The following PRKG1 variants were observed in gnomAD, a reference collection of about 807,000 sequenced individuals.
PRKG1 encodes the protein protein kinase cGMP-dependent 1.
A neutral mutation model predicts 88.1 loss-of-function variants in PRKG1; 35 were observed. That is an observed-to-expected ratio of 0.40 (90% CI 0.30 to 0.53). PRKG1 has a LOEUF of 0.53. Ranked by LOEUF, PRKG1 falls within the 20% of genes least tolerant of loss-of-function variation. PRKG1 has a pLI of 0.59. For missense variants in PRKG1, 540 were observed against 839.8 expected (o/e 0.64, Z 4.41); for synonymous variants, 303 against 292.5 (o/e 1.04, Z -0.37).
At chr10:51,974,624 C>G (rs1392070272) in intron 5 of PRKG1, among the ~76,000 whole-genome samples, 1 of 152,066 alleles carries the variant, frequency 6.6e-6, no homozygotes. Context: ...TTTTGTTTAC[C>G]TAAAGACCCC....
intron 2 of PRKG1, among the ~76,000 whole-genome samples, chr10:51,457,449 A>T (rs543402910): frequency 6.6e-6 from 1 of 152,186 alleles, no homozygotes; most frequent in Non-Finnish European, 1.5e-5. Context: ...GCGGGAAGGA[A>T]TAAGAGACTA....
intron 5 of PRKG1, among the ~76,000 whole-genome samples, chr10:52,018,545 C>G (rs937932967): frequency 2.6e-5 from 4 of 152,124 alleles, no homozygotes; most frequent in African/African-American, 9.7e-5. Context: ...GTAACCAAAA[C>G]AGTCAAACAA....
At chr10:51,291,866 T>C (rs1480171893) in intron 2 of PRKG1, among the ~76,000 whole-genome samples, 1 of 152,206 alleles carries the variant, frequency 6.6e-6, no homozygotes, top group African/African-American at 2.4e-5. Flanking sequence ...TACCCCTGAC[T>C]ATAAAGTTGA....
chr10:51,798,922 C>G (rs1420135533), intron 3 of PRKG1, among the ~76,000 whole-genome samples: 1 of 151,988 alleles, frequency 6.6e-6, no homozygotes, highest in African/African-American at 2.4e-5. Flanking sequence ...TATTTTCACT[C>G]ATATGTCTAG....
chr10:51,844,170 T>G (rs12779926), intron 4 of PRKG1, among the ~76,000 whole-genome samples: 1 of 152,068 alleles, frequency 6.6e-6, no homozygotes, highest in African/African-American at 2.4e-5. Flanking sequence ...TTTCAAGATT[T>G]TCTGTCAATG....
At chr10:52,003,530 G>T (rs1226425666) in intron 5 of PRKG1, among the ~76,000 whole-genome samples, 1 of 152,042 alleles carries the variant, frequency 6.6e-6, no homozygotes, top group Admixed American at 6.6e-5. Flanking sequence ...TCCTTTTCTT[G>T]CCCCTCCCAA....
At chr10:51,438,215 A>T (rs1838995605) in intron 2 of PRKG1, among the ~76,000 whole-genome samples, 1 of 151,926 alleles carries the variant, frequency 6.6e-6, no homozygotes, top group African/African-American at 2.4e-5. Context: ...AAAAATGTGA[A>T]GAATTACGGA....
At chr10:51,728,200 T>C (rs920622279) in intron 3 of PRKG1, among the ~76,000 whole-genome samples, 2 of 152,118 alleles carry the variant, frequency 1.3e-5, no homozygotes, top group Admixed American at 1.3e-4. Flanking sequence ...TTTGAGATTT[T>C]TTTTTACCCC....
intron 3 of PRKG1, among the ~76,000 whole-genome samples, chr10:51,678,647 AT>A (rs1262979710): frequency 1.3e-5 from 2 of 152,240 alleles, no homozygotes; most frequent in Admixed American, 1.3e-4. Context: ...AAAAGGTGGC[AT>A]AACTTAAGAA....
At chr10:52,012,594 C>T (rs1310717580) in intron 5 of PRKG1, among the ~76,000 whole-genome samples, 3 of 152,010 alleles carry the variant, frequency 2.0e-5, no homozygotes, top group African/African-American at 7.2e-5. Flanking sequence ...ACCATGTTGG[C>T]CAGGCTGGTC....
chr10:51,684,177 A>T (rs1475379270), intron 3 of PRKG1, among the ~76,000 whole-genome samples: 4 of 152,242 alleles, frequency 2.6e-5, no homozygotes, highest in Non-Finnish European at 5.9e-5. Flanking sequence ...AAGAATACTA[A>T]TTGACAATAA....
chr10:52,032,392 T>C (rs535347369), intron 5 of PRKG1, among the ~76,000 whole-genome samples: 2 of 152,300 alleles, frequency 1.3e-5, no homozygotes, highest in South Asian at 4.1e-4. Context: ...AAGTTTCTGT[T>C]TTGTTCTGGT....
At chr10:52,283,297 G>A (rs1842040108) in intron 14 of PRKG1, among the ~76,000 whole-genome samples, 1 of 152,210 alleles carries the variant, frequency 6.6e-6, no homozygotes, top group East Asian at 1.9e-4. Flanking sequence ...AGAGCCTAGA[G>A]TAGGGCAAGG....
At chr10:51,414,376 T>G (rs979548750) in intron 2 of PRKG1, among the ~76,000 whole-genome samples, 6 of 152,192 alleles carry the variant, frequency 3.9e-5, no homozygotes, top group Admixed American at 1.3e-4. Context: ...GACCAGGTGG[T>G]CTTCGTTTTT....
At chr10:51,253,474 A>C (rs968853706) in intron 2 of PRKG1, among the ~76,000 whole-genome samples, 1 of 151,892 alleles carries the variant, frequency 6.6e-6, no homozygotes, top group Non-Finnish European at 1.5e-5. Flanking sequence ...CCCTTCTACC[A>C]CAAGGTATCC....
chr10:51,945,011 G>T, intron 5 of PRKG1, among the ~76,000 whole-genome samples: 1 of 151,094 alleles, frequency 6.6e-6, no homozygotes, highest in Non-Finnish European at 1.5e-5. Context: ...GGGTATCCTT[G>T]TTAACTTTCT....
chr10:51,798,664 A>T (rs559927757), intron 3 of PRKG1, among the ~76,000 whole-genome samples: 2 of 152,200 alleles, frequency 1.3e-5, no homozygotes, highest in Non-Finnish European at 2.9e-5. Flanking sequence ...TGTTTTTAAG[A>T]TAATTATGCT....
At chr10:51,788,245 C>T (rs1334609386) in intron 3 of PRKG1, among the ~76,000 whole-genome samples, 2 of 152,124 alleles carry the variant, frequency 1.3e-5, no homozygotes, top group African/African-American at 4.8e-5. Context: ...ATTGCATAAT[C>T]ATACAATCAA....
chr10:51,524,466 A>G (rs1299674073), intron 3 of PRKG1, among the ~76,000 whole-genome samples: 4 of 152,206 alleles, frequency 2.6e-5, no homozygotes, highest in Non-Finnish European at 5.9e-5. Flanking sequence ...ATGAAGGGGT[A>G]TGTCTGTGTA....
Sources: allele counts gnomAD v4.1 joint callset (sites outside exome capture counted in the v4.1 genomes callset), GRCh38; gene constraint gnomAD v4.1.1; transcripts MANE v1.5; gene names NCBI Gene and HGNC (gene_info 2026-07-23, HGNC 2026-07-21).